RANBP2: variants seen among roughly 807,000 people sequenced by gnomAD.
RANBP2 encodes the protein E3 SUMO-protein ligase RanBP2.
A neutral mutation model predicts 303.6 loss-of-function variants in RANBP2; 57 were observed. The ratio of observed to expected loss-of-function variants is 0.19; its 90% confidence interval spans 0.15 to 0.23. The LOEUF (loss-of-function observed/expected upper bound fraction) is 0.23, where lower values mean the gene tolerates loss of function less well. RANBP2 is among the 10% of genes least tolerant of loss of function. The pLI is 1.00. For missense variants in RANBP2, 3,138 were observed against 3,780.8 expected (o/e 0.83, Z 4.46); for synonymous variants, 1,167 against 1,301.5 (o/e 0.90, Z 2.23).
chr2:108,842,057 TCTCA>T, the RANBP2 span, among the ~76,000 whole-genome samples: 2 of 152,080 alleles, frequency 1.3e-5, no homozygotes, highest in Non-Finnish European at 2.9e-5. Flanking sequence ...TGAGACAGAG[TCTCA>T]CTCTGTTGCT....
chr2:109,709,559 A>G, the RANBP2 span, among the ~76,000 whole-genome samples: 2 of 152,210 alleles, frequency 1.3e-5, no homozygotes, highest in South Asian at 4.1e-4. Flanking sequence ...CTGCACTGCA[A>G]TTCCTTATCT....
the RANBP2 span, among the ~76,000 whole-genome samples, chr2:109,015,950 C>A: frequency 1.6e-4 from 25 of 152,320 alleles, no homozygotes; most frequent in African/African-American, 5.5e-4. Flanking sequence ...GGTGCCCCCA[C>A]TTCATGCTGT....
At chr2:109,297,546 C>T in the RANBP2 span, among the ~76,000 whole-genome samples, 1 of 149,820 alleles carries the variant, frequency 6.7e-6, no homozygotes, top group African/African-American at 2.5e-5. Flanking sequence ...CAGTGCCCCC[C>T]ACCCAAGTCA....
chr2:109,609,065 T>C, the RANBP2 span, among the ~76,000 whole-genome samples: 3 of 152,288 alleles, frequency 2.0e-5, no homozygotes, highest in South Asian at 6.2e-4. Flanking sequence ...ATCAATCAAT[T>C]AATCCAAACA....
chr2:109,535,803 G>C, the RANBP2 span, among the ~76,000 whole-genome samples: 2 of 152,166 alleles, frequency 1.3e-5, no homozygotes, highest in Non-Finnish European at 2.9e-5. Context: ...GTAAATGTCA[G>C]TGCAGCTGTC....
chr2:109,478,753 C>T, the RANBP2 span, among the ~76,000 whole-genome samples: 5 of 152,244 alleles, frequency 3.3e-5, no homozygotes, highest in Non-Finnish European at 5.9e-5. Flanking sequence ...GGCCATGCGA[C>T]GGGCTTATCA....
the RANBP2 span, among the ~76,000 whole-genome samples, chr2:109,130,287 G>C: frequency 6.6e-6 from 1 of 152,224 alleles, no homozygotes; most frequent in Non-Finnish European, 1.5e-5. Flanking sequence ...TCCGGCCCCT[G>C]GGCAGCTCGC....
chr2:108,817,479 G>T, the RANBP2 span, among the ~76,000 whole-genome samples: 2 of 151,990 alleles, frequency 1.3e-5, no homozygotes, highest in Admixed American at 6.6e-5. Flanking sequence ...TTTTAGTAGA[G>T]ACGGGGTTGC....
At chr2:109,314,353 G>T in the RANBP2 span, among the ~76,000 whole-genome samples, 1 of 152,208 alleles carries the variant, frequency 6.6e-6, no homozygotes, top group Non-Finnish European at 1.5e-5. Context: ...TCCAGAAAAT[G>T]GCTCCGTTGA....
At chr2:108,815,791 C>A in the RANBP2 span, 1 of 649,796 alleles carries the variant, frequency 1.5e-6, no homozygotes, top group African/African-American at 1.9e-5. Flanking sequence ...ATTTGGAATT[C>A]TTTTGTTTGT....
the RANBP2 span, chr2:109,347,843 T>C: frequency 6.2e-7 from 1 of 1,613,828 alleles, no homozygotes; most frequent in African/African-American, 1.3e-5. Flanking sequence ...GCCAGCTATA[T>C]CCAGTGCATC....
the RANBP2 span, among the ~76,000 whole-genome samples, chr2:108,977,193 G>C: frequency 9.9e-5 from 15 of 152,170 alleles, no homozygotes; most frequent in Non-Finnish European, 2.2e-4. Flanking sequence ...CTGCACCCCT[G>C]ACCACCCCAT....
At chr2:109,398,068 A>G in the RANBP2 span, among the ~76,000 whole-genome samples, 3 of 152,166 alleles carry the variant, frequency 2.0e-5, no homozygotes, top group Non-Finnish European at 4.4e-5. Context: ...TCTGTGGTTT[A>G]TGCTGACCAG....
At chr2:109,559,824 C>T in the RANBP2 span, among the ~76,000 whole-genome samples, 1 of 151,750 alleles carries the variant, frequency 6.6e-6, no homozygotes, top group African/African-American at 2.4e-5. Flanking sequence ...ATTCCACTCC[C>T]AGAGCTGGAA....
chr2:109,525,113 C>T, the RANBP2 span, among the ~76,000 whole-genome samples: 5 of 145,928 alleles, frequency 3.4e-5, no homozygotes, highest in Non-Finnish European at 6.0e-5. Flanking sequence ...ATGGATGAGG[C>T]TTCAGCAAAT....
chr2:109,054,696 CAAAA>C, the RANBP2 span, among the ~76,000 whole-genome samples: 1 of 57,848 alleles, frequency 1.7e-5, no homozygotes. Flanking sequence ...GACTCCGTCT[CAAAA>C]AAAAAAAAAA....
chr2:109,029,613 A>T, the RANBP2 span, among the ~76,000 whole-genome samples: 1 of 152,180 alleles, frequency 6.6e-6, no homozygotes, highest in African/African-American at 2.4e-5. Flanking sequence ...TCAGGCTCCA[A>T]AAGTAGAGCA....
chr2:108,726,803 T>C (rs1361549946), intron 1 of RANBP2, among the ~76,000 whole-genome samples: 1 of 152,080 alleles, frequency 6.6e-6, no homozygotes, highest in Admixed American at 6.6e-5. Flanking sequence ...TTTGTGTCCC[T>C]GATTACTTGA....
the RANBP2 span, among the ~76,000 whole-genome samples, chr2:109,629,231 T>TAAATAAATAAATAAAG: frequency 4.4e-5 from 5 of 113,996 alleles, no homozygotes; most frequent in Non-Finnish European, 7.1e-5. Context: ...AATAAATAAA[T>TAAATAAATAAATAAAG]AAATAAAATG....
Sources: allele counts gnomAD v4.1 joint callset (sites outside exome capture counted in the v4.1 genomes callset), GRCh38; gene constraint gnomAD v4.1.1; transcripts MANE v1.5; gene names NCBI Gene and HGNC (gene_info 2026-07-23, HGNC 2026-07-21).